The following DENND1A variants were observed in gnomAD, a reference collection of about 807,000 sequenced individuals.
DENND1A encodes DENN domain-containing protein 1A.
In DENND1A, 51 loss-of-function variants were observed where a neutral mutation model predicts 113.7. The observed-to-expected ratio is 0.45, with a 90% confidence interval of 0.36 to 0.57. The LOEUF is 0.57. DENND1A is among the 20% of genes least tolerant of loss of function. The pLI is 0.00. For synonymous variants in DENND1A, 565 were observed against 570.8 expected, an observed-to-expected ratio of 0.99 and a Z score of 0.14; for missense variants, 1,258 against 1,395.9, an observed-to-expected ratio of 0.90 and a Z score of 1.57.
intron 2 of DENND1A, among the ~76,000 whole-genome samples, chr9:123,848,498 C>T (rs1469062849): frequency 1.3e-5 from 2 of 152,152 alleles, no homozygotes; most frequent in African/African-American, 2.4e-5. Flanking sequence ...GTTCCACCAA[C>T]CAGCCATTCT....
At chr9:123,524,373 T>C (rs2054636204) in intron 13 of DENND1A, among the ~76,000 whole-genome samples, 2 of 152,172 alleles carry the variant, frequency 1.3e-5, no homozygotes, top group Admixed American at 1.3e-4. Context: ...GGGCTTATGA[T>C]AGGAATAAGT....
At chr9:123,477,837 CG>C (rs1381611347) in intron 13 of DENND1A, among the ~76,000 whole-genome samples, 4 of 152,164 alleles carry the variant, frequency 2.6e-5, no homozygotes, top group African/African-American at 9.6e-5. Context: ...AAATCCTGCT[CG>C]GGGACTGCCT....
chr9:123,772,653 A>T (rs1829914715), intron 3 of DENND1A, among the ~76,000 whole-genome samples: 1 of 152,208 alleles, frequency 6.6e-6, no homozygotes, highest in Non-Finnish European at 1.5e-5. Context: ...CTCCAGATCA[A>T]TTCCCAAGTT....
Position 123,675,590 on chromosome 9 carries a change from A to C in DENND1A, c.372+1130T>G, listed in dbSNP as rs142275638. ...TAATAATGGATCACTTTAATTAAAA[A>C]TCTTAGGCCATTTACAAAAAGAAAA... is the stretch of plus-strand genomic sequence containing the variant. On this transcript the variant is annotated intron_variant, in intron 6 of 23. Transcript: ENST00000394215. 1.4e-3 allele frequency among the ~76,000 whole-genome samples: 207 copies of C among 152,322 alleles called. 1 individual carries two copies. Among genetic ancestry groups the C allele is most frequent in the African/African-American group, 4.7e-3 (197 of 41,588 alleles).
chr9:123,709,198 GT>G (rs1037759537), intron 5 of DENND1A, among the ~76,000 whole-genome samples: 1 of 152,202 alleles, frequency 6.6e-6, no homozygotes, highest in Non-Finnish European at 1.5e-5. Context: ...TCCCCTGCCA[GT>G]TTAGCAGACT....
Position 123,457,468 on chromosome 9 carries a change from C to G in DENND1A, c.1099-33G>C, listed in dbSNP as rs369225384. 11 of 1,548,886 alleles carry G rather than the reference C, an allele frequency of 7.1e-6. No homozygotes were observed. The East Asian group carries it at 1.1e-4, about 16-fold the overall frequency. On this transcript the variant is annotated intron_variant, in intron 14 of 23. Transcript: ENST00000394215. ...AAGAAGGAACAAAAGCACAACAGCT[C>G]GTACAAAGAAAAGGGGGAAAAACCA...
At chr9:123,464,215 A>G (rs2048757441) in intron 13 of DENND1A, among the ~76,000 whole-genome samples, 1 of 152,234 alleles carries the variant, frequency 6.6e-6, no homozygotes, top group African/African-American at 2.4e-5. Context: ...TAGAGTTGGT[A>G]CAAACAGTAA....
At chr9:123,436,214 G>A (rs888226292) in intron 19 of DENND1A, among the ~76,000 whole-genome samples, 3 of 152,304 alleles carry the variant, frequency 2.0e-5, no homozygotes, top group Non-Finnish European at 2.9e-5. Flanking sequence ...ATGCCTTCCC[G>A]GGGAGTCTGG....
At chr9:123,517,316 CA>C (rs539403619) in intron 13 of DENND1A, among the ~76,000 whole-genome samples, 64 of 149,298 alleles carry the variant, frequency 4.3e-4, no homozygotes, top group Non-Finnish European at 1.8e-4. Flanking sequence ...ATCACAACAA[CA>C]AAAATTTAAA....
chr9:123,518,584 G>C (rs1030057209), intron 13 of DENND1A, among the ~76,000 whole-genome samples: 7 of 152,110 alleles, frequency 4.6e-5, no homozygotes, highest in Admixed American at 1.3e-4. Flanking sequence ...TTGCAAAGGG[G>C]ATATAATAAT....
chr9:123,453,234 G>A (rs756848278), intron 16 of DENND1A, among the ~76,000 whole-genome samples: 1 of 152,322 alleles, frequency 6.6e-6, no homozygotes, highest in South Asian at 2.1e-4. Flanking sequence ...TTACAACAGC[G>A]TGTGATGACG....
chr9:123,630,272 T>A, intron 10 of DENND1A, 104 bp downstream of exon 10: 1 of 331,618 alleles, frequency 3.0e-6, no homozygotes, highest in Non-Finnish European at 4.9e-6. Context: ...ATGAAGTTAA[T>A]ATTTTTAATG....
At chr9:123,419,455 T>C (rs1167368743) in intron 19 of DENND1A, among the ~76,000 whole-genome samples, 1 of 152,200 alleles carries the variant, frequency 6.6e-6, no homozygotes, top group Admixed American at 6.5e-5. Context: ...TGGCCAGGAA[T>C]GGAGATGGGG....
chr9:123,805,251 T>C (rs1435020800), intron 2 of DENND1A, among the ~76,000 whole-genome samples: 3 of 152,184 alleles, frequency 2.0e-5, no homozygotes, highest in African/African-American at 7.2e-5. Flanking sequence ...CATTTCACCA[T>C]GCAACATATT....
chr9:123,546,407 C>T (rs2056692858), intron 13 of DENND1A, among the ~76,000 whole-genome samples: 1 of 151,676 alleles, frequency 6.6e-6, no homozygotes, highest in Admixed American at 6.6e-5. Flanking sequence ...AAAAAAGTAG[C>T]CGGGCGTGGT....
chr9:123,641,436 C>CAAAAAAAA (rs34664320), intron 9 of DENND1A, among the ~76,000 whole-genome samples: 2 of 113,450 alleles, frequency 1.8e-5, no homozygotes, highest in Non-Finnish European at 3.8e-5. Context: ...AATGAAATGG[C>CAAAAAAAA]AAAAAAAAAA....
chr9:123,561,736 G>A (rs748837121), intron 12 of DENND1A, among the ~76,000 whole-genome samples: 36 of 152,064 alleles, frequency 2.4e-4, no homozygotes, highest in Non-Finnish European at 5.3e-4. Flanking sequence ...AAAGGAAAGA[G>A]GGGGCAAAAC....
intron 2 of DENND1A, among the ~76,000 whole-genome samples, chr9:123,835,603 C>A (rs900037474): frequency 6.6e-6 from 1 of 151,202 alleles, no homozygotes; most frequent in South Asian, 2.1e-4. Flanking sequence ...CCACAAACTA[C>A]TATTCGTTTA....
intron 20 of DENND1A, 55 bp downstream of exon 20, chr9:123,411,721 G>C: frequency 1.0e-6 from 1 of 981,286 alleles, no homozygotes; most frequent in Non-Finnish European, 1.2e-6. Flanking sequence ...GTCAGGCTGA[G>C]GGAGAATGGC....
Sources: allele counts gnomAD v4.1 joint callset (sites outside exome capture counted in the v4.1 genomes callset), GRCh38; gene constraint gnomAD v4.1.1; transcripts MANE v1.5; gene names NCBI Gene and HGNC (gene_info 2026-07-23, HGNC 2026-07-21).